The following DGKG variants were observed in gnomAD, a reference collection of about 807,000 sequenced individuals.
DGKG encodes the protein DAG kinase gamma.
In DGKG, 78 loss-of-function variants were observed where a neutral mutation model predicts 105.3. That is an observed-to-expected ratio of 0.74 (90% CI 0.62 to 0.89). The LOEUF is 0.89. DGKG is among the 40% of genes least tolerant of loss of function. The probability of loss-of-function intolerance (pLI) is 0.00; values close to 1 mark genes in which losing one functional copy is unlikely to be tolerated. For missense variants in DGKG, 958 were observed against 1,020.1 expected (o/e 0.94, Z 0.83); for synonymous variants, 346 against 367.1 (o/e 0.94, Z 0.66).
chr3:186,278,892 G>T (rs1722706639), intron 9 of DGKG, among the ~76,000 whole-genome samples: 2 of 152,104 alleles, frequency 1.3e-5, no homozygotes, highest in Non-Finnish European at 2.9e-5. Context: ...ACTAGTAAAC[G>T]CTTAATGTCA....
At chr3:186,252,047 GCTA>G in intron 18 of DGKG, 128 bp from the exon 19 acceptor site, 2 of 838,034 alleles carry the variant, frequency 2.4e-6, no homozygotes, top group Non-Finnish European at 3.5e-6. Flanking sequence ...GTGTCTGTGG[GCTA>G]GAGACACTTA....
chr3:186,227,301 T>A (rs1719903057), intron 20 of DGKG, among the ~76,000 whole-genome samples: 2 of 152,216 alleles, frequency 1.3e-5, no homozygotes, highest in South Asian at 4.1e-4. Flanking sequence ...AATCCATTGA[T>A]TTATCTACTC....
chr3:186,178,828 T>G (rs1016386775), intron 22 of DGKG, among the ~76,000 whole-genome samples: 1 of 152,050 alleles, frequency 6.6e-6, no homozygotes, highest in African/African-American at 2.4e-5. Context: ...TACTCTGGGG[T>G]TTGTAGAAAG....
chr3:186,248,811 A>G (rs2268838), intron 19 of DGKG, among the ~76,000 whole-genome samples: 101,103 of 152,088 alleles, frequency 0.66, 38,581 homozygotes, highest in East Asian at 0.92. Flanking sequence ...GCCACTCACC[A>G]GCCTGAACTT....
intron 1 of DGKG, among the ~76,000 whole-genome samples, chr3:186,343,563 G>A (rs1726186802): frequency 6.6e-6 from 1 of 152,118 alleles, no homozygotes; most frequent in South Asian, 2.1e-4. Context: ...CTGGGATTAT[G>A]TGTGAGCCAC....
At chr3:186,347,634 AGTG>A in intron 1 of DGKG, among the ~76,000 whole-genome samples, 1 of 151,874 alleles carries the variant, frequency 6.6e-6, no homozygotes, top group Non-Finnish European at 1.5e-5. Flanking sequence ...TCAAGCTGGA[AGTG>A]CAGTGGCACA....
At chr3:186,219,277 C>T (rs764477693) in intron 20 of DGKG, among the ~76,000 whole-genome samples, 16 of 152,268 alleles carry the variant, frequency 1.1e-4, no homozygotes, top group Middle Eastern at 3.4e-3. Context: ...CTGTGTCACC[C>T]GCACACCCAG....
chr3:186,276,132 C>T (rs1722578040), intron 9 of DGKG, among the ~76,000 whole-genome samples: 1 of 152,042 alleles, frequency 6.6e-6, no homozygotes, highest in Admixed American at 6.5e-5. Context: ...GATGCTTAAC[C>T]CAGCATTATT....
intron 5 of DGKG, among the ~76,000 whole-genome samples, chr3:186,296,711 TGAGGTTGGATGATTCTG>T (rs1723581627): frequency 1.3e-5 from 2 of 152,194 alleles, no homozygotes; most frequent in Non-Finnish European, 2.9e-5. Flanking sequence ...GCAGGAGTTT[TGAGGTTGGATGATTCTG>T]GATTGAATCC....
chr3:186,316,025 A>G (rs1445284425), intron 2 of DGKG, among the ~76,000 whole-genome samples: 1 of 152,238 alleles, frequency 6.6e-6, no homozygotes, highest in Non-Finnish European at 1.5e-5. Context: ...ACATATGGAG[A>G]GGCCCTGGAA....
intron 2 of DGKG, among the ~76,000 whole-genome samples, chr3:186,307,380 C>T (rs568955025): frequency 2.0e-5 from 3 of 152,316 alleles, no homozygotes; most frequent in Admixed American, 2.0e-4. Flanking sequence ...CATTTCCAGA[C>T]ATCCCTGAAC....
chr3:186,182,034 G>A (rs76336541), intron 22 of DGKG, among the ~76,000 whole-genome samples: 2,214 of 152,330 alleles, frequency 0.015, 61 homozygotes, highest in African/African-American at 0.051. Context: ...CAGGGGGACC[G>A]ACCCAGCCTT....
Position 186,150,026 on chromosome 3 carries a change from T to C in DGKG, c.*64A>G, listed in dbSNP as rs143165148. Reference sequence around the variant, plus strand: ...CATGTGTGAGTGTGCACATAAATTGTGTGTGAGTGTGCATTATAGTTTCTT... The same window carrying C: ...CATGTGTGAGTGTGCACATAAATTGCGTGTGAGTGTGCATTATAGTTTCTT... On this transcript the variant is annotated 3_prime_UTR_variant, in exon 25 of 25. Coordinates refer to ENST00000265022, the MANE Select transcript of DGKG (RefSeq NM_001346.3). 4.7e-5 allele frequency: 73 copies of C among 1,559,278 alleles called. No individual in the cohort carries two copies. In the South Asian group the frequency reaches 4.9e-4, roughly 11 times the overall value.
At chr3:186,347,199 A>G (rs1223711472) in intron 1 of DGKG, among the ~76,000 whole-genome samples, 1 of 152,048 alleles carries the variant, frequency 6.6e-6, no homozygotes, top group African/African-American at 2.4e-5. Flanking sequence ...CCGTAATCCT[A>G]GCACTTTGGG....
At chr3:186,238,708 C>G (rs1194531757) in intron 20 of DGKG, among the ~76,000 whole-genome samples, 1 of 152,118 alleles carries the variant, frequency 6.6e-6, no homozygotes, top group African/African-American at 2.4e-5. Context: ...CAAAAATAAC[C>G]CCATCTCTGC....
chr3:186,298,159 C>T lies in DGKG; in HGVS notation c.215G>A (p.Ser72Asn). ...GCTGAAGGCCAGGAAGAGGTGAGTG[C>T]TCAGTGGCTGGGGAAGGTCCACCTC... is the stretch of plus-strand genomic sequence containing the variant. The part of the protein sequence containing the change: ...YLEVDLPQPL[S>N]THLFLAFSQK... Residue 72 changes from serine to asparagine, a missense_variant, in exon 4 of 25, where the codon AGC (serine) becomes AAC (asparagine). Around this residue, in one of 2 missense-constraint regions of DGKG, gnomAD observed 643 missense variants for 619.5 expected, o/e 1.04. Coordinates refer to ENST00000265022, the MANE Select transcript of DGKG (RefSeq NM_001346.3). 6.2e-7 allele frequency: 1 copy of T among 1,614,124 alleles called. No homozygotes were observed. Among genetic ancestry groups the T allele is most frequent in the Non-Finnish European group, 8.5e-7 (1 of 1,180,016 alleles).
intron 19 of DGKG, among the ~76,000 whole-genome samples, chr3:186,244,189 C>T (rs1188941788): frequency 6.6e-6 from 1 of 151,942 alleles, no homozygotes; most frequent in Non-Finnish European, 1.5e-5. Context: ...TGCACCTGGC[C>T]TCTGTGTGTG....
intron 3 of DGKG, among the ~76,000 whole-genome samples, chr3:186,300,695 G>C (rs896932175): frequency 6.6e-6 from 1 of 152,126 alleles, no homozygotes; most frequent in Non-Finnish European, 1.5e-5. Flanking sequence ...AGCATCAAAT[G>C]AAAACTATCA....
chr3:186,170,509 C>T (rs999574083), intron 22 of DGKG, among the ~76,000 whole-genome samples: 4 of 152,140 alleles, frequency 2.6e-5, no homozygotes, highest in African/African-American at 9.7e-5. Context: ...GAACTTGGGC[C>T]TTAGGCAAGA....
Sources: allele counts gnomAD v4.1 joint callset (sites outside exome capture counted in the v4.1 genomes callset), GRCh38; gene constraint gnomAD v4.1.1; regional missense constraint gnomAD v4.1.1; transcripts MANE v1.5; gene names NCBI Gene and HGNC (gene_info 2026-07-23, HGNC 2026-07-21).